Variants in DENND5B observed in about 807,000 individuals in gnomAD.
The protein encoded by DENND5B is DENN domain containing 5B.
DENND5B carries 34 observed loss-of-function variants against 140.6 expected under a neutral mutation model. The observed-to-expected ratio is 0.24, with a 90% CI of 0.18 to 0.32. DENND5B has a LOEUF of 0.32. Ranked by LOEUF, DENND5B falls within the 10% of genes least tolerant of loss-of-function variation. The pLI, the probability that DENND5B is intolerant of heterozygous loss-of-function variation, is 1.00. For synonymous variants in DENND5B, 551 were observed against 562.1 expected, an observed-to-expected ratio of 0.98 and a Z score of 0.28; for missense variants, 1,142 against 1,560.2, an observed-to-expected ratio of 0.73 and a Z score of 4.52.
intron 3 of DENND5B, among the ~76,000 whole-genome samples, chr12:31,477,082 G>C (rs535313343): frequency 2.6e-5 from 4 of 151,928 alleles, no homozygotes; most frequent in Non-Finnish European, 4.4e-5. Context: ...ACAAAAATCA[G>C]CTGGGTGTGG....
At chr12:31,491,531 A>C (rs533824036) in intron 2 of DENND5B, among the ~76,000 whole-genome samples, 70 of 152,300 alleles carry the variant, frequency 4.6e-4, no homozygotes, top group African/African-American at 1.6e-3. Context: ...GGAAAGAAAG[A>C]AAAGAAAGCA....
At chr12:31,414,435 T>C (rs1054961714) in intron 12 of DENND5B, among the ~76,000 whole-genome samples, 4 of 152,166 alleles carry the variant, frequency 2.6e-5, no homozygotes, top group Non-Finnish European at 5.9e-5. Flanking sequence ...CTGCCACATA[T>C]CCTGCCATTA....
chr12:31,408,618 C>T (rs1942265720), intron 14 of DENND5B, among the ~76,000 whole-genome samples: 2 of 81,696 alleles, frequency 2.4e-5, no homozygotes, highest in South Asian at 1.1e-3. Context: ...TGGAGTGAGA[C>T]TCTATCAAAA....
At chr12:31,483,435 T>G (rs1244918827) in intron 2 of DENND5B, among the ~76,000 whole-genome samples, 1 of 151,902 alleles carries the variant, frequency 6.6e-6, no homozygotes, top group East Asian at 1.9e-4. Context: ...GTGGTTATAG[T>G]ATACATCTTT....
chr12:31,439,872 G>A (rs1480224408), intron 7 of DENND5B, among the ~76,000 whole-genome samples: 2 of 137,766 alleles, frequency 1.5e-5, no homozygotes, highest in Non-Finnish European at 3.1e-5. Flanking sequence ...GGAGGTTGCG[G>A]TGAGCTGAGA....
chr12:31,452,182 G>T lies in DENND5B; in HGVS notation c.1387C>A (p.Arg463Ser). 3 of 1,613,948 alleles carry T rather than the reference G, an allele frequency of 1.9e-6. No individual in the cohort carries two copies. Among genetic ancestry groups the T allele is most frequent in the South Asian group, 1.1e-5 (1 of 91,076 alleles). Reference sequence around the variant, plus strand: ...ATTTTTTCCACAGCCACACCAGTACGCTTGGCCAGAGCCTGCAAGCGGGCT... The same window carrying T: ...ATTTTTTCCACAGCCACACCAGTACTCTTGGCCAGAGCCTGCAAGCGGGCT... ...TIARLQALAK[R>S]TGVAVEKMDL... Residue 463 changes from arginine (R) to serine (S), a missense_variant, in exon 5 of 21, where the codon CGT becomes AGT. By Grantham distance (110) the Arg-to-Ser change is moderately radical. Coordinates refer to ENST00000389082, the MANE Select transcript of DENND5B (RefSeq NM_144973.4).
chr12:31,590,803 C>G lies in DENND5B; in HGVS notation c.30G>C (p.Pro10=). MSGSCAAPG[P]GSGSSPAACR... is the part of the protein sequence containing the mutation. The stretch of plus-strand genomic sequence containing the variant: ...AGGCGGCCGGGGAGGAGCCCGAGCC[C>G]GGGCCGGGCGCCGCGCAGCTCCCGC... The change falls in exon 1 of 21, where the codon CCG becomes CCC. Residue 10 remains proline (P), a synonymous_variant. Coordinates refer to ENST00000389082, the MANE Select transcript of DENND5B (RefSeq NM_144973.4). The G allele has an allele frequency of 7.6e-7, 1 of 1,308,580 alleles. No individual in the cohort carries two copies. Among genetic ancestry groups the G allele is most frequent in the Non-Finnish European group, 9.7e-7 (1 of 1,031,316 alleles). The allele number at this position is 1,308,580 out of a possible 1,614,324, so 81.1% of individuals were successfully genotyped here.
In DENND5B at chr12:31,522,634, A is replaced by T. The variant is rs576322882; in HGVS notation, c.128-26715T>A. ...TAATTTTGTATTTTTTGTCGAGATG[A>T]GGTTTCACCACGTTACCCCGGCTGG... On this transcript the variant is annotated intron_variant, in intron 1 of 20. Coordinates refer to ENST00000389082, the MANE Select transcript of DENND5B (RefSeq NM_144973.4). Among the ~76,000 whole-genome samples the T allele has an allele frequency of 6.5e-4, 99 of 152,080 alleles. 1 individual carries two copies. The South Asian group carries it at 0.013, about 20-fold the overall frequency.
At chr12:31,403,739 T>C (rs984037932) in intron 14 of DENND5B, among the ~76,000 whole-genome samples, 5 of 149,580 alleles carry the variant, frequency 3.3e-5, no homozygotes, top group African/African-American at 7.4e-5. Context: ...CTACTAAAAA[T>C]ACAAAAATTA....
chr12:31,457,662 A>G (rs916064662), intron 4 of DENND5B, among the ~76,000 whole-genome samples: 1 of 152,146 alleles, frequency 6.6e-6, no homozygotes, highest in Non-Finnish European at 1.5e-5. Flanking sequence ...CTTTTCTTAT[A>G]AAACAATGAT....
chr12:31,383,679 C>T lies in DENND5B; in HGVS notation c.*3924G>A, dbSNP rs1270022476. 20 of 152,108 alleles carry T rather than the reference C, an allele frequency of 1.3e-4. No homozygotes were observed. The highest frequency in any genetic ancestry group is 1.9e-4 in the Non-Finnish European group (13 of 68,032). 9.4% of individuals were successfully genotyped at this position (152,108 alleles called of 1,614,324 possible). A position where few individuals can be genotyped will look rare whatever the true frequency, so the allele number is the denominator to read the frequency against. On this transcript the variant is annotated 3_prime_UTR_variant, in exon 21 of 21. Transcript: ENST00000389082. The stretch of plus-strand genomic sequence containing the variant: ...GTCCTCAGTAGCCTGCTTTTTCCCA[C>T]GTAGGACTCCACTTTATACTACTTC...
chr12:31,462,380 C>T (rs1945058710), intron 3 of DENND5B, among the ~76,000 whole-genome samples: 1 of 151,946 alleles, frequency 6.6e-6, no homozygotes, highest in African/African-American at 2.4e-5. Flanking sequence ...GAAAAGCTGA[C>T]CTGAAACCCC....
At chr12:31,522,236 T>C (rs149685834) in intron 1 of DENND5B, among the ~76,000 whole-genome samples, 15 of 152,266 alleles carry the variant, frequency 9.9e-5, no homozygotes, top group African/African-American at 3.4e-4. Flanking sequence ...ACAGCATCTA[T>C]CACATTGTGC....
intron 14 of DENND5B, among the ~76,000 whole-genome samples, chr12:31,408,158 TG>T: frequency 6.6e-6 from 1 of 150,896 alleles, no homozygotes. Flanking sequence ...TAGCCGGGCA[TG>T]GTGACATATG....
intron 1 of DENND5B, among the ~76,000 whole-genome samples, chr12:31,574,103 A>T (rs1304724016): frequency 1.4e-5 from 2 of 145,712 alleles, no homozygotes; most frequent in African/African-American, 5.0e-5. Flanking sequence ...CTACAAAAAT[A>T]AAAAAAAAAA....
At chr12:31,454,226 T>C (rs1249272499) in intron 4 of DENND5B, among the ~76,000 whole-genome samples, 2 of 152,124 alleles carry the variant, frequency 1.3e-5, no homozygotes, top group African/African-American at 4.8e-5. Flanking sequence ...ATGTAATCTT[T>C]GAATCCAGTC....
chr12:31,536,712 A>C (rs1286085124), intron 1 of DENND5B, among the ~76,000 whole-genome samples: 1 of 152,188 alleles, frequency 6.6e-6, no homozygotes, highest in Admixed American at 6.6e-5. Flanking sequence ...AAAGGTTATC[A>C]ATATCCAAAT....
At position 31,398,030 on chromosome 12, in the gene DENND5B, C is replaced by T. The variant is rs142822706; in HGVS notation, c.3256+145G>A. On this transcript the variant is annotated intron_variant, in intron 17 of 20. Transcript: ENST00000389082. ...TTAGATTTTAACATCTAAACTCTTC[C>T]GGCTTTTGAATATTTATGAATTTTC... is the stretch of plus-strand genomic sequence containing the variant. 1.3e-3 allele frequency: 1,085 copies of T among 826,950 alleles called. 8 individuals carry two copies. The African/African-American group carries it at 0.015, about 12-fold the overall frequency. The allele number at this position is 826,950 out of a possible 1,614,324, so 51.2% of individuals were successfully genotyped here.
intron 1 of DENND5B, among the ~76,000 whole-genome samples, chr12:31,525,926 G>A (rs1054703594): frequency 6.6e-6 from 1 of 152,202 alleles, no homozygotes; most frequent in African/African-American, 2.4e-5. Flanking sequence ...CCAGGAGGCA[G>A]AGGCTGCAGT....
Sources: gnomAD v4.1 joint callset for allele counts (sites outside exome capture counted in the v4.1 genomes callset) on GRCh38, gnomAD v4.1.1 for gene constraint, MANE v1.5 for transcripts, NCBI Gene and HGNC (gene_info 2026-07-23, HGNC 2026-07-21) for gene names.